Variants in VPS53 observed in about 807,000 individuals in gnomAD.
VPS53 encodes vacuolar protein sorting-associated protein 53 homolog.
VPS53 carries 70 observed loss-of-function variants against 107.0 expected under a neutral mutation model. The observed-to-expected ratio is 0.65, with a 90% CI of 0.54 to 0.80. The LOEUF (loss-of-function observed/expected upper bound fraction) is 0.80. Among genes scored for constraint, VPS53 ranks in the 30% least tolerant of loss-of-function variants. The probability of loss-of-function intolerance (pLI) is 0.00; values close to 1 mark genes in which losing one functional copy is unlikely to be tolerated. For synonymous variants in VPS53, 409 were observed against 393.3 expected (o/e 1.04, Z -0.47); for missense variants, 917 against 1,049.4 (o/e 0.87, Z 1.74).
Position 599,145 on chromosome 17 carries a change from G to A in VPS53, c.1218+2650C>T, listed in dbSNP as rs866292496. Among the ~76,000 whole-genome samples, 294 of 118,540 alleles carry A rather than the reference G, an allele frequency of 2.5e-3. 1 individual carries two copies. The highest frequency in any genetic ancestry group is 7.3e-3 in the African/African-American group (229 of 31,574). The allele number at this position is 118,540 out of a possible 152,430, so 77.8% of individuals were successfully genotyped here. ...AGGGAGGTGGGGGGGTCAGCCCCCC[G>A]CCCGGCCAGCCGCCCCGCCCGGGAG... On this transcript the variant is annotated intron_variant, in intron 12 of 21. Coordinates refer to ENST00000437048, the MANE Select transcript of VPS53 (RefSeq NM_001128159.3).
chr17:699,421 T>G, intron 2 of VPS53, 41 bp from the exon 3 acceptor site: 1 of 1,485,248 alleles, frequency 6.7e-7, no homozygotes. Flanking sequence ...TTAGTCCACT[T>G]CCTGGAATTC....
chr17:541,509 A>T (rs1211508945), intron 17 of VPS53, among the ~76,000 whole-genome samples: 1 of 152,194 alleles, frequency 6.6e-6, no homozygotes, highest in Non-Finnish European at 1.5e-5. Context: ...TTTATCAAGC[A>T]CCTACTACGC....
rs1051720595 is a variant in VPS53 at position 687,574 on chromosome 17, C to CAA, written c.285+9842_285+9843dup. 9.2e-3 allele frequency among the ~76,000 whole-genome samples: 826 copies of CAA among 89,438 alleles called. 8 individuals are homozygous for CAA. The highest frequency in any genetic ancestry group is 0.032 in the African/African-American group (780 of 24,462). 58.7% of individuals were successfully genotyped at this position (89,438 alleles called of 152,430 possible). ...CTGGAGAGAGAGCAAGACTCAGTCT[C>CAA]AAAAAAAAAAAAAAAAAGATGCGCA... On this transcript the variant is annotated intron_variant, in intron 4 of 21. Transcript: ENST00000437048.
chr17:522,037 TGAGCTCA>T (rs1908802687), intron 19 of VPS53, among the ~76,000 whole-genome samples: 1 of 152,124 alleles, frequency 6.6e-6, no homozygotes, highest in Non-Finnish European at 1.5e-5. Context: ...CAGGATCGCT[TGAGCTCA>T]GGAATTTGAG....
At chr17:648,307 G>A (rs2143433974) in intron 7 of VPS53, among the ~76,000 whole-genome samples, 1 of 152,322 alleles carries the variant, frequency 6.6e-6, no homozygotes, top group African/African-American at 2.4e-5. Context: ...CAGCACTTTG[G>A]GAGACTGAGA....
At position 560,558 on chromosome 17, in the gene VPS53, A is replaced by G; in HGVS notation, c.1572T>C (p.Ser524=). 1.9e-6 allele frequency: 3 copies of G among 1,614,014 alleles called. No homozygotes were observed. Among genetic ancestry groups the G allele is most frequent in the South Asian group, 2.2e-5 (2 of 91,052 alleles). The change falls in exon 15 of 22, where the codon AGT becomes AGC. Residue 524 remains serine (S), a synonymous_variant. Coordinates refer to ENST00000437048, the MANE Select transcript of VPS53 (RefSeq NM_001128159.3). ...GGAGGCTGCTGATAGTCAGTCCTCC[A>G]CTGCTGGTTGTGGTTCTGAAGAAAA... ...SGNLPKTTTS[S]GGLTISSLLK...
intron 11 of VPS53, among the ~76,000 whole-genome samples, chr17:612,887 C>T (rs1191187950): frequency 6.6e-6 from 1 of 151,388 alleles, no homozygotes; most frequent in African/African-American, 2.4e-5. Flanking sequence ...AAAACCTGTA[C>T]AAATATTCAC....
chr17:679,704 A>G (rs1018976433), intron 4 of VPS53, among the ~76,000 whole-genome samples: 1 of 152,186 alleles, frequency 6.6e-6, no homozygotes, highest in Admixed American at 6.5e-5. Flanking sequence ...CAATCTCCCA[A>G]AAGGCACTTG....
chr17:694,825 C>T (rs1177196814), intron 4 of VPS53, among the ~76,000 whole-genome samples: 12 of 152,112 alleles, frequency 7.9e-5, no homozygotes, highest in Admixed American at 1.3e-4. Flanking sequence ...TGGAGCGCGG[C>T]GGCACCATTA....
rs902037354 is a variant in VPS53, at chr17:509,626, T to C, written c.*9502A>G. On this transcript the variant is annotated 3_prime_UTR_variant, in exon 22 of 22. Transcript: ENST00000437048. ...CCCTCACTAGTCACGTATGGAATCC[T>C]GGCTCGCCCCTCACTGGTCACGTAT... The C allele has an allele frequency of 2.9e-5, 5 of 172,924 alleles. No homozygotes were observed. Among genetic ancestry groups the C allele is most frequent in the South Asian group, 1.9e-4 (2 of 10,734 alleles). The allele number at this position is 172,924 out of a possible 1,614,324, so 10.7% of individuals were successfully genotyped here.
chr17:542,446 A>G (rs1169382383), intron 17 of VPS53, among the ~76,000 whole-genome samples: 1 of 152,180 alleles, frequency 6.6e-6, no homozygotes, highest in Non-Finnish European at 1.5e-5. Flanking sequence ...CTCGTCTATA[A>G]AATTGGGATG....
intron 14 of VPS53, among the ~76,000 whole-genome samples, chr17:561,328 C>T (rs937426039): frequency 6.6e-6 from 1 of 152,206 alleles, no homozygotes; most frequent in Non-Finnish European, 1.5e-5. Flanking sequence ...CTTTGGAATC[C>T]TCTGTTGGCT....
Position 628,112 on chromosome 17 carries a change from C to G in VPS53, c.807G>C (p.Leu269=). Residue 269 remains leucine, a synonymous_variant, in exon 9 of 22, where the codon CTG becomes CTC. Transcript: ENST00000437048. ...CATCTTGGTTTTCTTGAAAAAGTAC[C>G]AGATACTCTGACAGATGCTGTTTAA... ...KFIKQHLSEY[L]VLFQENQDVA... is the part of the protein sequence containing the mutation. 1 of 1,612,878 alleles carries G rather than the reference C, an allele frequency of 6.2e-7. No individual in the cohort carries two copies.
chr17:691,973 T>C lies in VPS53; in HGVS notation c.285+5445A>G, dbSNP rs138519814. On this transcript the variant is annotated intron_variant, in intron 4 of 21. Coordinates refer to ENST00000437048, the MANE Select transcript of VPS53 (RefSeq NM_001128159.3). The stretch of plus-strand genomic sequence containing the variant: ...GGCATCCACTGGGGGTCTTGGAATG[T>C]ATCCCCCACAGGTAAGTGGGGACGA... Among the ~76,000 whole-genome samples the C allele has an allele frequency of 4.9e-3, 740 of 152,314 alleles. 6 individuals are homozygous for C. The highest frequency in any genetic ancestry group is 0.017 in the African/African-American group (706 of 41,566).
At chr17:677,981 C>CGTG (rs1191963447) in intron 4 of VPS53, among the ~76,000 whole-genome samples, 1 of 151,848 alleles carries the variant, frequency 6.6e-6, no homozygotes, top group East Asian at 1.9e-4. Flanking sequence ...ATTAGCCAGG[C>CGTG]GTGGTGGCGA....
At chr17:663,246 G>T (rs1353347793) in intron 4 of VPS53, among the ~76,000 whole-genome samples, 8 of 152,128 alleles carry the variant, frequency 5.3e-5, no homozygotes, top group Non-Finnish European at 5.9e-5. Flanking sequence ...CATTTCCACT[G>T]AAATAAAAAC....
chr17:511,356 A>C lies in VPS53; in HGVS notation c.*7772T>G, dbSNP rs1907930965. 6.6e-6 allele frequency: 1 copy of C among 152,208 alleles called. No homozygotes were observed. Among genetic ancestry groups the C allele is most frequent in the Admixed American group, 6.5e-5 (1 of 15,280 alleles). The allele number at this position is 152,208 out of a possible 1,614,324, so 9.4% of individuals were successfully genotyped here. ...TGGAAGTAGAGGGAAGTTTGTTGAG[A>C]AGCTGTTCTTAATTTCTCACTTGTT... On this transcript the variant is annotated 3_prime_UTR_variant, in exon 22 of 22. Transcript: ENST00000437048.
chr17:642,896 T>C (rs113457171), intron 7 of VPS53, among the ~76,000 whole-genome samples: 88 of 74,920 alleles, frequency 1.2e-3, no homozygotes, highest in Middle Eastern at 9.4e-3. Flanking sequence ...TACTTGGAAA[T>C]CGAGGACAAC....
intron 12 of VPS53, among the ~76,000 whole-genome samples, chr17:600,412 G>A (rs1474487384): frequency 6.6e-6 from 1 of 152,264 alleles, no homozygotes; most frequent in African/African-American, 2.4e-5. Context: ...TCTACACCCA[G>A]AGCCTTCTTT....
Sources: gnomAD v4.1 joint callset for allele counts (sites outside exome capture counted in the v4.1 genomes callset) on GRCh38, gnomAD v4.1.1 for gene constraint, MANE v1.5 for transcripts, NCBI Gene and HGNC (gene_info 2026-07-23, HGNC 2026-07-21) for gene names.